Variants in NUP155 observed in about 807,000 individuals in gnomAD.
The protein encoded by NUP155 is nucleoporin 155.
Under a neutral mutation model 180.4 loss-of-function variants are expected in NUP155, and 71 were observed. That is an observed-to-expected ratio of 0.39 (90% CI 0.33 to 0.48). The LOEUF (loss-of-function observed/expected upper bound fraction) is 0.48. NUP155 is among the 20% of genes least tolerant of loss of function. The pLI, the probability that NUP155 is intolerant of heterozygous loss-of-function variation, is 0.91. For missense variants in NUP155, 1,553 were observed against 1,648.9 expected, an observed-to-expected ratio of 0.94 and a Z score of 1.01; for synonymous variants, 582 against 559.5, an observed-to-expected ratio of 1.04 and a Z score of -0.57.
intron 3 of NUP155, among the ~76,000 whole-genome samples, chr5:37,360,912 T>C (rs1399158180): frequency 6.6e-6 from 1 of 151,648 alleles, no homozygotes. Context: ...GCATCCAAAA[T>C]GAGGTATATA....
In NUP155 at chr5:37,349,181, T is replaced by G; in HGVS notation, c.894A>C (p.Gly298=). The G allele has an allele frequency of 1.3e-6, 1 of 747,966 alleles. No homozygotes were observed. The highest frequency in any genetic ancestry group is 1.8e-5 in the African/African-American group (1 of 56,018). 46.3% of individuals were successfully genotyped at this position (747,966 alleles called of 1,614,324 possible). The change falls in exon 8 of 35, where the codon GGA becomes GGC. Residue 298 remains glycine (G), a synonymous_variant. Coordinates refer to ENST00000231498, the MANE Select transcript of NUP155 (RefSeq NM_153485.3). The stretch of plus-strand genomic sequence containing the variant: ...TAATATTAATACTAACCTGTATTAC[T>G]CCTTTCTCAGATCGTGTATATAAAA... ...RNILYTRSEK[G]VIQVYDLGQD...
At chr5:37,353,994 T>G (rs1241424260) in intron 4 of NUP155, among the ~76,000 whole-genome samples, 5 of 152,222 alleles carry the variant, frequency 3.3e-5, no homozygotes, top group Admixed American at 2.6e-4. Context: ...GATTTCATTT[T>G]GAAATGCAAA....
In NUP155 at chr5:37,348,998, C is replaced by CG. The variant is rs1746286648; in HGVS notation, c.903+173dup. ...CTCAAACTCCAGACCTCAGGTGATC[C>CG]GCCCACCTTGGCCTCCCAAAGTGCT... On this transcript the variant is annotated intron_variant, in intron 8 of 34. Coordinates refer to ENST00000231498, the MANE Select transcript of NUP155 (RefSeq NM_153485.3). Among the ~76,000 whole-genome samples the CG allele has an allele frequency of 2.0e-5, 3 of 151,706 alleles. No individual in the cohort carries two copies. In the South Asian group the frequency reaches 6.2e-4, roughly 32 times the overall value.
rs1745636907 is a variant in NUP155 at position 37,340,420 on chromosome 5, C to T, written c.1246+670G>A. ...AGATTGTGCTACTGCACTCCAGCCT[C>T]GGCAACAGAGCCAGACCACCTCAAA... On this transcript the variant is annotated intron_variant, in intron 11 of 34. Coordinates refer to ENST00000231498, the MANE Select transcript of NUP155 (RefSeq NM_153485.3). Among the ~76,000 whole-genome samples, 4 of 150,578 alleles carry T rather than the reference C, an allele frequency of 2.7e-5. No homozygotes were observed. In the South Asian group the frequency reaches 6.3e-4, roughly 24 times the overall value.
At chr5:37,329,312 T>C (rs770311949) in intron 15 of NUP155, 34 bp from the exon 16 acceptor site, 3 of 1,526,098 alleles carry the variant, frequency 2.0e-6, no homozygotes, top group East Asian at 4.5e-5. Context: ...GTTTATTCAG[T>C]AAAACAAACC....
Position 37,342,630 on chromosome 5 carries a change from C to G in NUP155, c.1012G>C (p.Val338Leu). The change falls in exon 10 of 35, where the codon GTT becomes CTT. Residue 338 changes from valine (V) to leucine (L), a missense_variant. By Grantham distance (32) the Val-to-Leu change is conservative. Coordinates refer to ENST00000231498, the MANE Select transcript of NUP155 (RefSeq NM_153485.3). ...GNIARTIDRS[V>L]FKPIVQIAVI... ...GCTATTTGGACAATTGGTTTAAAAA[C>G]AGAACGATCGATGGTCCTAAAAGAA... is the stretch of plus-strand genomic sequence containing the variant. 6.2e-7 allele frequency: 1 copy of G among 1,609,248 alleles called. No homozygotes were observed. Among genetic ancestry groups the G allele is most frequent in the Non-Finnish European group, 8.5e-7 (1 of 1,175,752 alleles).
At chr5:37,318,209 A>AGGTT (rs2150955502) in intron 20 of NUP155, 124 bp from the exon 21 acceptor site, 1 of 710,654 alleles carries the variant, frequency 1.4e-6, no homozygotes, top group East Asian at 2.7e-5. Context: ...TGGGCAACCA[A>AGGTT]CACCAGAAGG....
At chr5:37,294,724 A>G (rs766678422) in intron 32 of NUP155, among the ~76,000 whole-genome samples, 5 of 152,098 alleles carry the variant, frequency 3.3e-5, no homozygotes, top group Non-Finnish European at 7.4e-5. Flanking sequence ...TGGGGCTACA[A>G]GTGTGCACCA....
chr5:37,291,959 C>T lies in NUP155; in HGVS notation c.4117G>A (p.Val1373Ile), dbSNP rs1448813136. 1 of 1,613,870 alleles carries T rather than the reference C, an allele frequency of 6.2e-7. No individual in the cohort carries two copies. The highest frequency in any genetic ancestry group is 8.5e-7 in the Non-Finnish European group (1 of 1,179,884). ...TTAAAATTCCCAGTGATGGCTTGTA[C>T]TGCTACTGACGAGCTCATAGACTGG... The part of the protein sequence containing the change: ...ELQSMSSSVA[V>I]QAITGNFKSL... Residue 1373 changes from valine to isoleucine, a missense_variant, in exon 35 of 35, where the codon GTA (valine) becomes ATA (isoleucine). Val to Ile is a conservative substitution (Grantham distance 29). Transcript: ENST00000231498.
At chr5:37,311,310 T>C (rs1223925109) in intron 22 of NUP155, among the ~76,000 whole-genome samples, 1 of 152,174 alleles carries the variant, frequency 6.6e-6, no homozygotes, top group Non-Finnish European at 1.5e-5. Context: ...TTTGCATTCA[T>C]TGAGCATGCC....
At position 37,307,401 on chromosome 5, in the gene NUP155, A is replaced by T. The variant is rs1303674674; in HGVS notation, c.2799T>A (p.Ser933=). The T allele has an allele frequency of 1.9e-6, 3 of 1,614,068 alleles. No individual in the cohort carries two copies. Among genetic ancestry groups the T allele is most frequent in the South Asian group, 1.1e-5 (1 of 91,082 alleles). ...VRFYEGVVEL[S]LTAAEKKDPQ... ...GATCTTTTTTCTCTGCAGCCGTAAG[A>T]GAAAGTTCCACCACACCCTCATAAA... Residue 933 remains serine (S), a synonymous_variant, in exon 25 of 35, where the codon TCT becomes TCA. Coordinates refer to ENST00000231498, the MANE Select transcript of NUP155 (RefSeq NM_153485.3).
rs1469284959 is a variant in NUP155, at chr5:37,307,427, A to G, written c.2773T>C (p.Phe925Leu). 6.2e-7 allele frequency: 1 copy of G among 1,613,872 alleles called. No individual in the cohort carries two copies. Among genetic ancestry groups the G allele is most frequent in the African/African-American group, 1.3e-5 (1 of 74,894 alleles). The change falls in exon 25 of 35, where the codon TTT (phenylalanine) becomes CTT (leucine). Residue 925 changes from phenylalanine to leucine, a missense_variant. Phe to Leu is a conservative substitution (Grantham distance 22). Transcript: ENST00000231498. ...NVCAQYRQVR[F>L]YEGVVELSLT... ...GAAAGTTCCACCACACCCTCATAAA[A>G]TCTCACTGATGGGAAAGAAAAGAAT...
chr5:37,351,434 C>A, intron 5 of NUP155, 78 bp from the exon 6 acceptor site: 5 of 1,016,884 alleles, frequency 4.9e-6, no homozygotes, highest in Non-Finnish European at 7.6e-6. Context: ...TCATCAGAAT[C>A]TATATGTTTA....
At chr5:37,296,063 GC>G (rs1330724054) in intron 32 of NUP155, among the ~76,000 whole-genome samples, 11 of 147,840 alleles carry the variant, frequency 7.4e-5, no homozygotes, top group Admixed American at 5.3e-4. Flanking sequence ...GGGGGGGTCA[GC>G]CCCCCGCCCG....
chr5:37,303,175 T>C (rs959697740), intron 28 of NUP155, 85 bp downstream of exon 28: 1 of 1,494,368 alleles, frequency 6.7e-7, no homozygotes, highest in Middle Eastern at 1.7e-4. Flanking sequence ...AAAACTTAGA[T>C]TCTTCTAAAA....
chr5:37,320,667 A>G (rs1744189251), intron 20 of NUP155, among the ~76,000 whole-genome samples: 1 of 152,228 alleles, frequency 6.6e-6, no homozygotes, highest in African/African-American at 2.4e-5. Flanking sequence ...TAAATGAGTA[A>G]TTAAGAGAAA....
At chr5:37,349,929 G>A (rs991147940) in intron 7 of NUP155, among the ~76,000 whole-genome samples, 5 of 152,106 alleles carry the variant, frequency 3.3e-5, no homozygotes, top group African/African-American at 1.2e-4. Context: ...TGTTTTAGAC[G>A]CAAGTTCTTT....
In NUP155 at chr5:37,323,976, C is replaced by A. The variant is rs767403940; in HGVS notation, c.2207+16G>T. The A allele has an allele frequency of 7.0e-6, 10 of 1,425,298 alleles. No individual in the cohort carries two copies. In the Admixed American group the frequency reaches 1.5e-4, roughly 21 times the overall value. 88.3% of individuals were successfully genotyped at this position (1,425,298 alleles called of 1,614,324 possible). On this transcript the variant is annotated intron_variant, in intron 20 of 34. Coordinates refer to ENST00000231498, the MANE Select transcript of NUP155 (RefSeq NM_153485.3). ...GAAAAGAAAAAGATGAATTAATAAA[C>A]CCTATTTATTCTTACTTTGGATTTC...
chr5:37,338,685 G>A (rs1561796403), intron 11 of NUP155, among the ~76,000 whole-genome samples: 3 of 152,214 alleles, frequency 2.0e-5, no homozygotes, highest in Non-Finnish European at 2.9e-5. Flanking sequence ...AATTACAGGC[G>A]TGAGCCACTG....
Sources: allele counts gnomAD v4.1 joint callset (sites outside exome capture counted in the v4.1 genomes callset), GRCh38; gene constraint gnomAD v4.1.1; transcripts MANE v1.5; gene names NCBI Gene and HGNC (gene_info 2026-07-23, HGNC 2026-07-21).